The following GRB10 variants were observed in gnomAD, a reference collection of about 807,000 sequenced individuals.
GRB10 encodes the protein growth factor receptor-bound protein 10.
GRB10 carries 20 observed loss-of-function variants against 80.9 expected under a neutral mutation model. The ratio of observed to expected loss-of-function variants is 0.25; its 90% CI spans 0.17 to 0.36. GRB10 has a LOEUF of 0.36. Ranked by LOEUF, GRB10 falls within the 10% of genes least tolerant of loss-of-function variation. The pLI is 1.00. For missense variants in GRB10, 548 were observed against 747.7 expected, an observed-to-expected ratio of 0.73 and a Z score of 3.12; for synonymous variants, 291 against 291.5, an observed-to-expected ratio of 1.00 and a Z score of 0.02.
At chr7:50,669,319 A>C (rs2060121421) in intron 7 of GRB10, among the ~76,000 whole-genome samples, 1 of 152,218 alleles carries the variant, frequency 6.6e-6, no homozygotes, top group Non-Finnish European at 1.5e-5. Flanking sequence ...AGGAGCTTAC[A>C]ATCATGCCAG....
Position 50,666,975 on chromosome 7 carries a change from G to C in GRB10, c.504+2747C>G, listed in dbSNP as rs184962101. Among the ~76,000 whole-genome samples, 400 of 146,918 alleles carry C rather than the reference G, an allele frequency of 2.7e-3. 1 individual carries two copies. The highest frequency in any genetic ancestry group is 8.4e-3 in the African/African-American group (331 of 39,574). On this transcript the variant is annotated intron_variant, in intron 7 of 18. Transcript: ENST00000401949. ...GACTGGCGTGAACCCAGGAGGCAGA[G>C]CTTGCAGTGAGCCGAGATTGCGCCA...
rs554414666 is a variant in GRB10 at position 50,616,856 on chromosome 7, TCAAAA to T, written c.847-514_847-510del. On this transcript the variant is annotated intron_variant, in intron 10 of 18. Coordinates refer to ENST00000401949, the MANE Select transcript of GRB10 (RefSeq NM_001350814.2). ...GGCAGCCTTAAGAATAAAGGCTTTA[TCAAAA>T]CAAAACAAAACAAGAAACTACGCTT... Among the ~76,000 whole-genome samples, 18 of 152,330 alleles carry T rather than the reference TCAAAA, an allele frequency of 1.2e-4. 1 individual carries two copies. The South Asian group carries it at 2.7e-3, about 23-fold the overall frequency.
rs146987815 is a variant in GRB10 at position 50,724,688 on chromosome 7, C to T, written c.51+7584G>A. ...AGGAAACAGGAAAAAGTGCCACAAA[C>T]CCCGACAAAGGAAGGATGCCTGAAG... On this transcript the variant is annotated intron_variant, in intron 4 of 18. Transcript: ENST00000401949. Among the ~76,000 whole-genome samples the T allele has an allele frequency of 9.1e-3, 1,387 of 152,214 alleles. 26 individuals carry two copies. The highest frequency in any genetic ancestry group is 0.032 in the African/African-American group (1,312 of 41,524).
intron 7 of GRB10, among the ~76,000 whole-genome samples, chr7:50,641,270 C>CA (rs139121114): frequency 0.08 from 11,059 of 138,278 alleles, 504 homozygotes; most frequent in Non-Finnish European, 0.091. Flanking sequence ...TTATACTCAT[C>CA]AAAAAAGGTG....
At chr7:50,649,095 G>A (rs907769304) in intron 7 of GRB10, among the ~76,000 whole-genome samples, 1 of 152,046 alleles carries the variant, frequency 6.6e-6, no homozygotes, top group East Asian at 1.9e-4. Context: ...CAAGGCCATC[G>A]TCCTTGTACT....
intron 13 of GRB10, among the ~76,000 whole-genome samples, chr7:50,611,123 CCTA>C (rs1302162076): frequency 2.0e-5 from 3 of 152,198 alleles, no homozygotes; most frequent in African/African-American, 7.2e-5. Context: ...ATCTCCTCTC[CCTA>C]CTAAGCAACC....
intron 2 of GRB10, among the ~76,000 whole-genome samples, chr7:50,765,783 C>T (rs777165919): frequency 3.9e-5 from 6 of 152,056 alleles, no homozygotes; most frequent in South Asian, 2.1e-4. Context: ...AGGTGACTAC[C>T]GTCTACAATA....
intron 13 of GRB10, 180 bp from the exon 14 acceptor site, chr7:50,606,594 C>A (rs943520352): frequency 1.6e-6 from 1 of 627,026 alleles, no homozygotes; most frequent in Non-Finnish European, 2.9e-6. Flanking sequence ...AGCAATGACG[C>A]CCCTTGAAAT....
intron 9 of GRB10, among the ~76,000 whole-genome samples, chr7:50,618,677 A>C (rs1406484697): frequency 6.6e-6 from 1 of 152,218 alleles, no homozygotes; most frequent in Non-Finnish European, 1.5e-5. Flanking sequence ...TGCCCTCCCT[A>C]TCCTGGCCTC....
chr7:50,617,963 T>C lies in GRB10; in HGVS notation c.846+108A>G, dbSNP rs1032272056. 3.2e-6 allele frequency: 3 copies of C among 940,414 alleles called. No individual in the cohort carries two copies. In the South Asian group the frequency reaches 3.9e-5, roughly 12 times the overall value. The allele number at this position is 940,414 out of a possible 1,614,324, so 58.3% of individuals were successfully genotyped here. ...CCGGCTTAAGAGCCAAGGTTATAAA[T>C]GGTGAAAGATGCGATCTCTTTAGGT... On this transcript the variant is annotated intron_variant, in intron 10 of 18. Coordinates refer to ENST00000401949, the MANE Select transcript of GRB10 (RefSeq NM_001350814.2).
At chr7:50,700,346 C>G (rs767420059) in intron 5 of GRB10, among the ~76,000 whole-genome samples, 22 of 151,848 alleles carry the variant, frequency 1.4e-4, no homozygotes, top group Non-Finnish European at 2.4e-4. Flanking sequence ...TTTTTTCGTT[C>G]ACAGTTTTCT....
At chr7:50,629,334 C>A (rs563227504) in intron 7 of GRB10, among the ~76,000 whole-genome samples, 6 of 152,146 alleles carry the variant, frequency 3.9e-5, no homozygotes, top group African/African-American at 1.4e-4. Flanking sequence ...GCCATCCCCC[C>A]AAAGGTCTAT....
intron 6 of GRB10, among the ~76,000 whole-genome samples, chr7:50,672,863 G>C (rs1366165868): frequency 6.6e-6 from 1 of 152,220 alleles, no homozygotes; most frequent in East Asian, 1.9e-4. Flanking sequence ...CTCCTCAGGA[G>C]CTAAGTACAA....
At chr7:50,756,182 TA>T in intron 2 of GRB10, 126 bp from the exon 3 acceptor site, 1 of 397,504 alleles carries the variant, frequency 2.5e-6, no homozygotes, top group Non-Finnish European at 4.4e-6. Context: ...GAAGATCATT[TA>T]AGAGTGTTCT....
At chr7:50,777,429 T>TAC (rs71018485) in intron 2 of GRB10, among the ~76,000 whole-genome samples, 5,579 of 146,252 alleles carry the variant, frequency 0.038, 193 homozygotes, top group African/African-American at 0.096. Flanking sequence ...GCAATCTGTA[T>TAC]ACACACACAC....
At chr7:50,749,464 AT>A (rs1692267593) in intron 3 of GRB10, among the ~76,000 whole-genome samples, 2 of 152,108 alleles carry the variant, frequency 1.3e-5, no homozygotes, top group African/African-American at 4.8e-5. Context: ...TTAATGTATA[AT>A]TGTGAGATGG....
At chr7:50,694,692 C>T (rs2063232335) in intron 5 of GRB10, among the ~76,000 whole-genome samples, 1 of 152,126 alleles carries the variant, frequency 6.6e-6, no homozygotes, top group Non-Finnish European at 1.5e-5. Flanking sequence ...CTCAGACTCC[C>T]CCAAGCACTG....
intron 5 of GRB10, among the ~76,000 whole-genome samples, chr7:50,675,354 G>A (rs1012000638): frequency 5.3e-5 from 8 of 152,220 alleles, no homozygotes; most frequent in African/African-American, 7.2e-5. Context: ...GGCGGAAAAC[G>A]CACTGTAGAA....
chr7:50,701,450 G>C (rs1399436125), intron 5 of GRB10, among the ~76,000 whole-genome samples: 1 of 152,126 alleles, frequency 6.6e-6, no homozygotes, highest in Non-Finnish European at 1.5e-5. Flanking sequence ...AACTAGCTGG[G>C]AGTAGTGGCG....
Sources: allele counts gnomAD v4.1 joint callset (sites outside exome capture counted in the v4.1 genomes callset), GRCh38; gene constraint gnomAD v4.1.1; transcripts MANE v1.5; gene names NCBI Gene and HGNC (gene_info 2026-07-23, HGNC 2026-07-21).